The following SCRT1 variants were observed in gnomAD, a reference collection of about 807,000 sequenced individuals.
SCRT1 encodes scratch family transcriptional repressor 1.
Under a neutral mutation model 3.4 loss-of-function variants are expected in SCRT1, and 1 was observed. The ratio of observed to expected loss-of-function variants is 0.29; its 90% confidence interval spans 0.10 to 1.39. The LOEUF (loss-of-function observed/expected upper bound fraction) is 1.39. Ranked by LOEUF, SCRT1 falls within the 40% of genes most tolerant of loss-of-function variation. The pLI is 0.42. For synonymous variants in SCRT1, 238 were observed against 247.0 expected, an observed-to-expected ratio of 0.96 and a Z score of 0.34; for missense variants, 380 against 526.3, an observed-to-expected ratio of 0.72 and a Z score of 2.72.
At position 144,333,644 on chromosome 8, in the gene SCRT1, G is replaced by A. The variant is rs1207121734; in HGVS notation, c.588C>T (p.Cys196=). 3 of 1,590,418 alleles carry A rather than the reference G, an allele frequency of 1.9e-6. No homozygotes were observed. Among genetic ancestry groups the A allele is most frequent in the Non-Finnish European group, 1.7e-6 (2 of 1,173,092 alleles). ...TCGACGACGTGGCGTATGTTTTGCC[G>A]CACTCGCCGCACGCGTGCCGGCCGC... is the stretch of plus-strand genomic sequence containing the variant. ...GAGGRHACGE[C]GKTYATSSNL... The change falls in exon 2 of 2, where the codon TGC becomes TGT. Residue 196 remains cysteine, a synonymous_variant. Coordinates refer to ENST00000569446, the MANE Select transcript of SCRT1 (RefSeq NM_031309.6).
In SCRT1 at chr8:144,332,494, G is replaced by C. The variant is rs1191876730; in HGVS notation, c.*691C>G. 1 of 152,676 alleles carries C rather than the reference G, an allele frequency of 6.5e-6. No individual in the cohort carries two copies. The highest frequency in any genetic ancestry group is 1.5e-5 in the Non-Finnish European group (1 of 68,066). 9.5% of individuals were successfully genotyped at this position (152,676 alleles called of 1,614,324 possible). A position where few individuals can be genotyped will look rare whatever the true frequency, so the allele number is the denominator to read the frequency against. ...ATATGTGTCATTATTATTCGATATGGAGGACAGAGCCCGGGAAGCTGGGCT... is the reference window on the plus strand; with the variant it reads ...ATATGTGTCATTATTATTCGATATGCAGGACAGAGCCCGGGAAGCTGGGCT... On this transcript the variant is annotated 3_prime_UTR_variant, in exon 2 of 2. Coordinates refer to ENST00000569446, the MANE Select transcript of SCRT1 (RefSeq NM_031309.6).
Position 144,331,424 on chromosome 8 carries a change from G to C in SCRT1, c.*1761C>G, listed in dbSNP as rs1817746639. The C allele has an allele frequency of 6.6e-6, 1 of 152,426 alleles. No individual in the cohort carries two copies. The highest frequency in any genetic ancestry group is 6.5e-5 in the Admixed American group (1 of 15,288). The allele number at this position is 152,426 out of a possible 1,614,324, so 9.4% of individuals were successfully genotyped here. On this transcript the variant is annotated 3_prime_UTR_variant, in exon 2 of 2. Transcript: ENST00000569446. ...GTTGTGCCCAGCAGGGACTGGTTGAGGTGGGGAGGAGTGTAGGGGGCATGT... is the reference window on the plus strand; with the variant it reads ...GTTGTGCCCAGCAGGGACTGGTTGACGTGGGGAGGAGTGTAGGGGGCATGT...
rs1554850247 is a variant in SCRT1 at position 144,336,027 on chromosome 8, C to G, written c.115+28G>C. 3 of 1,500,114 alleles carry G rather than the reference C, an allele frequency of 2.0e-6. No homozygotes were observed. Among genetic ancestry groups the G allele is most frequent in the Non-Finnish European group, 1.8e-6 (2 of 1,109,700 alleles). 92.9% of individuals were successfully genotyped at this position (1,500,114 alleles called of 1,614,324 possible). ...CCGCTTCCAGCAAAGCCCCAGGCCCCGCGCCCTGGTCTCAGACCAGCGCTC... is the reference window on the plus strand; with the variant it reads ...CCGCTTCCAGCAAAGCCCCAGGCCCGGCGCCCTGGTCTCAGACCAGCGCTC... On this transcript the variant is annotated intron_variant, in intron 1 of 1. Coordinates refer to ENST00000569446, the MANE Select transcript of SCRT1 (RefSeq NM_031309.6). The surrounding 1 kb of genome is among the most constrained non-coding windows in gnomAD (Gnocchi z 6.8).
In SCRT1 at chr8:144,332,981, G is replaced by A. The variant is rs1817809830; in HGVS notation, c.*204C>T. ...CCCTGGAGGGGAGGGGAGGGGGCTC[G>A]GGGTGGGTCTCCCCTCGGGACCCTA... On this transcript the variant is annotated 3_prime_UTR_variant, in exon 2 of 2. Coordinates refer to ENST00000569446, the MANE Select transcript of SCRT1 (RefSeq NM_031309.6). The A allele has an allele frequency of 2.0e-6, 1 of 503,212 alleles. No individual in the cohort carries two copies. Among genetic ancestry groups the A allele is most frequent in the Non-Finnish European group, 3.4e-6 (1 of 292,360 alleles). The allele number at this position is 503,212 out of a possible 1,614,324, so 31.2% of individuals were successfully genotyped here.
rs1817787144 is a variant in SCRT1, at chr8:144,332,407, G to T, written c.*778C>A. 1 of 142,932 alleles carries T rather than the reference G, an allele frequency of 7.0e-6. No homozygotes were observed. Among genetic ancestry groups the T allele is most frequent in the African/African-American group, 2.5e-5 (1 of 39,724 alleles). The allele number at this position is 142,932 out of a possible 1,614,324, so 8.9% of individuals were successfully genotyped here. On this transcript the variant is annotated 3_prime_UTR_variant, in exon 2 of 2. Coordinates refer to ENST00000569446, the MANE Select transcript of SCRT1 (RefSeq NM_031309.6). ...AATGCCTGGGGTACGGGGGTGGGGG[G>T]TGGGGGCCCGGGGCAGGGCGGAAGC...
In SCRT1 at chr8:144,333,810, G is replaced by A. The variant is rs1267114805; in HGVS notation, c.422C>T (p.Ser141Leu). The A allele has an allele frequency of 3.3e-6, 4 of 1,221,028 alleles. No homozygotes were observed. The East Asian group carries it at 9.7e-5, about 30-fold the overall frequency. 75.6% of individuals were successfully genotyped at this position (1,221,028 alleles called of 1,614,324 possible). The stretch of plus-strand genomic sequence containing the variant: ...GGCGTCGCCGTCGGGGGCCGCCGCC[G>A]AGGCTGTGGAGGGAGCGGCGGCAGC... ...AGAAAAPSTASAAAPDGDAGG... is the reference protein window; with the variant it reads ...AGAAAAPSTALAAAPDGDAGG... The change falls in exon 2 of 2, where the codon TCG (serine) becomes TTG (leucine). Residue 141 changes from serine (S) to leucine (L), a missense_variant. Around this residue, in one of 5 missense-constraint regions of SCRT1, gnomAD observed 115 missense variants for 107.3 expected, o/e 1.07. Coordinates refer to ENST00000569446, the MANE Select transcript of SCRT1 (RefSeq NM_031309.6).
chr8:144,334,895 T>C (rs1337606713), intron 1 of SCRT1, among the ~76,000 whole-genome samples: 1 of 152,116 alleles, frequency 6.6e-6, no homozygotes, highest in Non-Finnish European at 1.5e-5. Context: ...CTAACCCCTT[T>C]CAGGGCCTTC....
Position 144,332,968 on chromosome 8 carries a change from G to A in SCRT1, c.*217C>T, listed in dbSNP as rs1233592849. On this transcript the variant is annotated 3_prime_UTR_variant, in exon 2 of 2. Transcript: ENST00000569446. ...AAAGCCGGGGGCACCCTGGAGGGGAGGGGAGGGGGCTCGGGGTGGGTCTCC... is the reference window on the plus strand; with the variant it reads ...AAAGCCGGGGGCACCCTGGAGGGGAAGGGAGGGGGCTCGGGGTGGGTCTCC... 4.0e-6 allele frequency: 2 copies of A among 504,074 alleles called. No individual in the cohort carries two copies. The highest frequency in any genetic ancestry group is 6.9e-6 in the Non-Finnish European group (2 of 288,672). The allele number at this position is 504,074 out of a possible 1,614,324, so 31.2% of individuals were successfully genotyped here. A position where few individuals can be genotyped will look rare whatever the true frequency, so the allele number is the denominator to read the frequency against.
rs1372911789 is a variant in SCRT1, at chr8:144,332,149, A to C, written c.*1036T>G. ...CTAGGGGCGGGCCTCGGGGCGTGGA[A>C]AGTAATCCCGGACATCCCAGGCCCC... On this transcript the variant is annotated 3_prime_UTR_variant, in exon 2 of 2. Transcript: ENST00000569446. 2 of 152,110 alleles carry C rather than the reference A, an allele frequency of 1.3e-5. No homozygotes were observed. Among genetic ancestry groups the C allele is most frequent in the East Asian group, 3.9e-4 (2 of 5,164 alleles). The allele number at this position is 152,110 out of a possible 1,614,324, so 9.4% of individuals were successfully genotyped here.
Position 144,336,134 on chromosome 8 carries a change from A to C in SCRT1, c.36T>G (p.Leu12=), listed in dbSNP as rs373685084. The C allele has an allele frequency of 2.4e-4, 385 of 1,610,126 alleles. No homozygotes were observed. Among genetic ancestry groups the C allele is most frequent in the South Asian group, 6.5e-4 (59 of 90,406 alleles). The part of the protein sequence containing the change: ...PRSFLVKKVK[L]DAFSSADLES... Reference sequence around the variant, plus strand: ...CCAGGTCGGCCGAAGAGAACGCGTCAAGTTTGACCTTCTTGACCAGGAAGG... The same window carrying C: ...CCAGGTCGGCCGAAGAGAACGCGTCCAGTTTGACCTTCTTGACCAGGAAGG... The change falls in exon 1 of 2, where the codon CTT becomes CTG. Residue 12 remains leucine, a synonymous_variant. Transcript: ENST00000569446. The surrounding 1 kb of genome is among the most constrained non-coding windows in gnomAD (Gnocchi z 6.8).
Position 144,335,944 on chromosome 8 carries a change from G to C in SCRT1, c.115+111C>G. ...CAGCCACAGACTCTTGCCGTTTCTGGTTCCCTTCAGTCTGTTTCCCCGGGC... is the reference window on the plus strand; with the variant it reads ...CAGCCACAGACTCTTGCCGTTTCTGCTTCCCTTCAGTCTGTTTCCCCGGGC... On this transcript the variant is annotated intron_variant, in intron 1 of 1. Coordinates refer to ENST00000569446, the MANE Select transcript of SCRT1 (RefSeq NM_031309.6). The surrounding 1 kb of genome is among the most constrained non-coding windows in gnomAD (Gnocchi z 7.7). The C allele has an allele frequency of 4.2e-6, 3 of 713,806 alleles. No individual in the cohort carries two copies. The South Asian group carries it at 6.1e-5, about 15-fold the overall frequency. The allele number at this position is 713,806 out of a possible 1,614,324, so 44.2% of individuals were successfully genotyped here. A position where few individuals can be genotyped will look rare whatever the true frequency, so the allele number is the denominator to read the frequency against.
chr8:144,336,087 C>T lies in SCRT1; in HGVS notation c.83G>A (p.Arg28His). 8 of 1,608,780 alleles carry T rather than the reference C, an allele frequency of 5.0e-6. No individual in the cohort carries two copies. The highest frequency in any genetic ancestry group is 6.8e-6 in the Non-Finnish European group (8 of 1,177,830). Residue 28 changes from arginine to histidine, a missense_variant, in exon 1 of 2, where the codon CGC becomes CAC. Arg to His is a conservative substitution (Grantham distance 29, BLOSUM62 0). This residue lies in a region of SCRT1 where 125 missense variants were observed against 132.7 expected (regional missense o/e 0.94). Coordinates refer to ENST00000569446, the MANE Select transcript of SCRT1 (RefSeq NM_031309.6). This position sits in a 1 kb window ranked among gnomAD's most constrained non-coding sequence, Gnocchi z 6.8. ...ADLESAYGRA[R>H]SDLGAPLHDK... ...GTGCAGTGGCGCGCCGAGGTCGCTG[C>T]GGGCGCGTCCGTAGGCGCTCTCCAG...
In SCRT1 at chr8:144,335,227, C is replaced by T. The variant is rs1278377101; in HGVS notation, c.115+828G>A. Among the ~76,000 whole-genome samples, 2 of 152,126 alleles carry T rather than the reference C, an allele frequency of 1.3e-5. No individual in the cohort carries two copies. The highest frequency in any genetic ancestry group is 4.8e-5 in the African/African-American group (2 of 41,414). ...CACTCTCAAGTCACATGGTGCACAGCGGCCTCAGAGTCACATGGTCCCATG... is the reference window on the plus strand; with the variant it reads ...CACTCTCAAGTCACATGGTGCACAGTGGCCTCAGAGTCACATGGTCCCATG... On this transcript the variant is annotated intron_variant, in intron 1 of 1. Transcript: ENST00000569446. The surrounding 1 kb of genome is among the most constrained non-coding windows in gnomAD (Gnocchi z 7.7).
rs1817821711 is a variant in SCRT1, at chr8:144,333,225, G to T, written c.1007C>A (p.Ala336Glu). 2 of 1,591,714 alleles carry T rather than the reference G, an allele frequency of 1.3e-6. No homozygotes were observed. The highest frequency in any genetic ancestry group is 1.1e-5 in the South Asian group (1 of 88,626). Residue 336 changes from alanine (A) to glutamate (E), a missense_variant, in exon 2 of 2, where the codon GCG (alanine) becomes GAG (glutamate). Ala to Glu is a moderately radical substitution (Grantham distance 107). Transcript: ENST00000569446. The stretch of plus-strand genomic sequence containing the variant: ...GCTGAGCTGTGGCGGCGCAGGAGCC[G>T]CGGGGCCTCCGGCGCCGCCCTTGAA... ...ACFKGGAGGP[A>E]APAPPQLSPV... is the part of the protein sequence containing the mutation.
In SCRT1 at chr8:144,333,636, G is replaced by A. The variant is rs1239277255; in HGVS notation, c.596C>T (p.Thr199Ile). 6.9e-6 allele frequency: 11 copies of A among 1,601,788 alleles called. No homozygotes were observed. Among genetic ancestry groups the A allele is most frequent in the Non-Finnish European group, 9.3e-6 (11 of 1,177,192 alleles). The change falls in exon 2 of 2, where the codon ACA (threonine) becomes ATA (isoleucine). Residue 199 changes from threonine (T) to isoleucine (I), a missense_variant. This residue lies in a region of SCRT1 where 56 missense variants were observed against 169.3 expected (regional missense o/e 0.33). Coordinates refer to ENST00000569446, the MANE Select transcript of SCRT1 (RefSeq NM_031309.6). ...GCTCAGGTTCGACGACGTGGCGTATGTTTTGCCGCACTCGCCGCACGCGTG... is the reference window on the plus strand; with the variant it reads ...GCTCAGGTTCGACGACGTGGCGTATATTTTGCCGCACTCGCCGCACGCGTG... ...GRHACGECGK[T>I]YATSSNLSRH... is the part of the protein sequence containing the mutation.
At position 144,336,414 on chromosome 8, in the gene SCRT1, CT is replaced by C. The variant is rs1817890847; in HGVS notation, c.-246del. 1 of 391,134 alleles carries C rather than the reference CT, an allele frequency of 2.6e-6. No homozygotes were observed. Among genetic ancestry groups the C allele is most frequent in the Non-Finnish European group, 4.7e-6 (1 of 213,726 alleles). 24.2% of individuals were successfully genotyped at this position (391,134 alleles called of 1,614,324 possible). A position where few individuals can be genotyped will look rare whatever the true frequency, so the allele number is the denominator to read the frequency against. On this transcript the variant is annotated 5_prime_UTR_variant, in exon 1 of 2. Coordinates refer to ENST00000569446, the MANE Select transcript of SCRT1 (RefSeq NM_031309.6). The surrounding 1 kb of genome is among the most constrained non-coding windows in gnomAD (Gnocchi z 6.8). Reference sequence around the variant, plus strand: ...CCTTCCTTCCTTCAATCCTTCCTTCCTTCTCTCCTCTTCTCTCCTCTCCTCT... The same window carrying C: ...CCTTCCTTCCTTCAATCCTTCCTTCCTCTCTCCTCTTCTCTCCTCTCCTCT...
Position 144,333,088 on chromosome 8 carries a change from G to T in SCRT1, c.*97C>A. The T allele has an allele frequency of 9.1e-7, 1 of 1,097,862 alleles. No homozygotes were observed. Among genetic ancestry groups the T allele is most frequent in the Non-Finnish European group, 1.3e-6 (1 of 796,394 alleles). The allele number at this position is 1,097,862 out of a possible 1,614,324, so 68.0% of individuals were successfully genotyped here. ...CCCTCCCCCTATTGCTGTGAGGAGG[G>T]GCCCGCCCTCCGGCCCCTCCACCCG... On this transcript the variant is annotated 3_prime_UTR_variant, in exon 2 of 2. Coordinates refer to ENST00000569446, the MANE Select transcript of SCRT1 (RefSeq NM_031309.6).
rs1273098855 is a variant in SCRT1 at position 144,333,996 on chromosome 8, G to C, written c.236C>G (p.Pro79Arg). The change falls in exon 2 of 2, where the codon CCG (proline) becomes CGG (arginine). Residue 79 changes from proline to arginine, a missense_variant. Transcript: ENST00000569446. ...YAAAVRGELG[P>R]AAAGSAPPPT... ...CGGCGGCGCAGACCCTGCAGCCGCC[G>C]GACCCAGCTCTCCACGCACAGCTGC... The C allele has an allele frequency of 1.4e-6, 2 of 1,435,290 alleles. No homozygotes were observed. The highest frequency in any genetic ancestry group is 1.8e-6 in the Non-Finnish European group (2 of 1,094,786). The allele number at this position is 1,435,290 out of a possible 1,614,324, so 88.9% of individuals were successfully genotyped here. A position where few individuals can be genotyped will look rare whatever the true frequency, so the allele number is the denominator to read the frequency against.
chr8:144,333,296 G>C lies in SCRT1; in HGVS notation c.936C>G (p.Ser312Arg). 1 of 1,612,860 alleles carries C rather than the reference G, an allele frequency of 6.2e-7. No homozygotes were observed. Among genetic ancestry groups the C allele is most frequent in the Non-Finnish European group, 8.5e-7 (1 of 1,179,764 alleles). The stretch of plus-strand genomic sequence containing the variant: ...TGTTGAGATAGGACTTGAGCGCGAA[G>C]CTCTTCTTGCAGCGCTTGCACTGGA... ...KHFQCKRCKK[S>R]FALKSYLNKH... Residue 312 changes from serine to arginine, a missense_variant, in exon 2 of 2, where the codon AGC (serine) becomes AGG (arginine). By Grantham distance (110) the Ser-to-Arg change is moderately radical. Transcript: ENST00000569446.
Sources: allele counts gnomAD v4.1 joint callset (sites outside exome capture counted in the v4.1 genomes callset), GRCh38; gene constraint gnomAD v4.1.1; regional missense constraint gnomAD v4.1.1; non-coding constraint Gnocchi (gnomAD v3.1); transcripts MANE v1.5; gene names NCBI Gene and HGNC (gene_info 2026-07-23, HGNC 2026-07-21).